Variants in DENND11 observed in about 807,000 individuals in gnomAD.
The protein encoded by DENND11 is DENN domain containing 11, also known as DENN domain-containing protein 11.
Under a neutral mutation model 49.2 loss-of-function variants are expected in DENND11, and 34 were observed. The ratio of observed to expected loss-of-function variants is 0.69; its 90% CI spans 0.53 to 0.92. DENND11 has a LOEUF of 0.92. Among genes scored for constraint, DENND11 ranks in the 40% least tolerant of loss-of-function variants. The pLI is 0.00. For missense variants in DENND11, 475 were observed against 581.6 expected, an observed-to-expected ratio of 0.82 and a Z score of 1.88; for synonymous variants, 238 against 230.3, an observed-to-expected ratio of 1.03 and a Z score of -0.30.
At chr7:141,668,355 G>A (rs1364367964) in intron 4 of DENND11, among the ~76,000 whole-genome samples, 3 of 152,274 alleles carry the variant, frequency 2.0e-5, no homozygotes, top group Admixed American at 1.3e-4. Flanking sequence ...GGGAGGCCGA[G>A]GTGGGTGGAT....
At chr7:141,676,739 GGAT>G (rs1485022591) in intron 3 of DENND11, among the ~76,000 whole-genome samples, 3 of 152,168 alleles carry the variant, frequency 2.0e-5, no homozygotes, top group African/African-American at 7.2e-5. Flanking sequence ...TCAGAGTGCT[GGAT>G]GATAAGTTAG....
chr7:141,670,837 G>A (rs564810167), intron 4 of DENND11, among the ~76,000 whole-genome samples: 2 of 152,310 alleles, frequency 1.3e-5, no homozygotes, highest in East Asian at 3.9e-4. Flanking sequence ...GTAAGTTGAG[G>A]AGTATCTGTA....
At chr7:141,664,118 T>C in intron 8 of DENND11, 54 bp downstream of exon 8, 1 of 1,382,680 alleles carries the variant, frequency 7.2e-7, no homozygotes, top group Non-Finnish European at 1.0e-6. Context: ...TGCAGGTCAC[T>C]CAGTGCCGAA....
intron 3 of DENND11, among the ~76,000 whole-genome samples, chr7:141,675,845 C>T (rs895007752): frequency 6.6e-6 from 1 of 151,852 alleles, no homozygotes; most frequent in Non-Finnish European, 1.5e-5. Context: ...TGGATGATAG[C>T]GCCAATTTCA....
At chr7:141,695,858 C>A (rs976339188) in intron 1 of DENND11, among the ~76,000 whole-genome samples, 5 of 152,222 alleles carry the variant, frequency 3.3e-5, no homozygotes, top group East Asian at 1.9e-4. Flanking sequence ...CTAGCCTCTA[C>A]TGCAAAGACA....
At chr7:141,698,285 A>G (rs992812943) in intron 1 of DENND11, among the ~76,000 whole-genome samples, 3 of 152,212 alleles carry the variant, frequency 2.0e-5, no homozygotes, top group Non-Finnish European at 4.4e-5. Flanking sequence ...GCAGACTAAG[A>G]ACATTTTACT....
chr7:141,673,250 A>C (rs533245597), intron 4 of DENND11, among the ~76,000 whole-genome samples: 134 of 152,336 alleles, frequency 8.8e-4, no homozygotes, highest in African/African-American at 3.1e-3. Context: ...GAATAAAAAA[A>C]AAAAAACAAA....
At position 141,702,104 on chromosome 7, in the gene DENND11, G is replaced by A; in HGVS notation, c.50C>T (p.Pro17Leu). The change falls in exon 1 of 9, where the codon CCC (proline) becomes CTC (leucine). Residue 17 changes from proline to leucine, a missense_variant. Physicochemically the swap from Pro to Leu is moderately conservative, Grantham distance 98. Transcript: ENST00000536163. ...AAPLLRWAEG[P>L]AVSLPQAPQP... Reference sequence around the variant, plus strand: ...CGGGGCCTGCGGCAGGGAGACGGCGGGGCCCTCGGCCCAGCGCAGCAGCGG... The same window carrying A: ...CGGGGCCTGCGGCAGGGAGACGGCGAGGCCCTCGGCCCAGCGCAGCAGCGG... 3.0e-6 allele frequency: 3 copies of A among 984,488 alleles called. No homozygotes were observed. Among genetic ancestry groups the A allele is most frequent in the Non-Finnish European group, 3.6e-6 (3 of 830,722 alleles). The allele number at this position is 984,488 out of a possible 1,614,324, so 61.0% of individuals were successfully genotyped here.
At chr7:141,685,947 C>G (rs1161353537) in intron 2 of DENND11, among the ~76,000 whole-genome samples, 1 of 152,186 alleles carries the variant, frequency 6.6e-6, no homozygotes, top group Non-Finnish European at 1.5e-5. Flanking sequence ...AACCAACATT[C>G]CTCTTCAGGC....
At chr7:141,687,735 T>C (rs1442626841) in intron 1 of DENND11, among the ~76,000 whole-genome samples, 1 of 150,270 alleles carries the variant, frequency 6.7e-6, no homozygotes, top group Non-Finnish European at 1.5e-5. Context: ...CCCAGGTTCA[T>C]GCCATTCTCC....
At position 141,657,915 on chromosome 7, in the gene DENND11, A is replaced by G. The variant is rs942646456; in HGVS notation, c.*4741T>C. ...CCACCTCTCTCAAGAAAGAGGCCTAAAAATAAGAATGATGACATTTACCCT... is the reference window on the plus strand; with the variant it reads ...CCACCTCTCTCAAGAAAGAGGCCTAGAAATAAGAATGATGACATTTACCCT... On this transcript the variant is annotated 3_prime_UTR_variant, in exon 9 of 9. Transcript: ENST00000536163. 6.6e-6 allele frequency: 1 copy of G among 152,644 alleles called. No individual in the cohort carries two copies. Among genetic ancestry groups the G allele is most frequent in the African/African-American group, 2.4e-5 (1 of 41,458 alleles). 9.5% of individuals were successfully genotyped at this position (152,644 alleles called of 1,614,324 possible). A position where few individuals can be genotyped will look rare whatever the true frequency, so the allele number is the denominator to read the frequency against.
At chr7:141,674,864 C>T (rs1029676380) in intron 3 of DENND11, among the ~76,000 whole-genome samples, 7 of 152,178 alleles carry the variant, frequency 4.6e-5, no homozygotes, top group African/African-American at 1.7e-4. Context: ...CAACCCCAGA[C>T]CCCAGAACCC....
At chr7:141,693,550 C>T (rs908470562) in intron 1 of DENND11, among the ~76,000 whole-genome samples, 1 of 152,210 alleles carries the variant, frequency 6.6e-6, no homozygotes, top group Non-Finnish European at 1.5e-5. Flanking sequence ...CAGATGTTTG[C>T]AGCAGCTTTA....
chr7:141,666,482 T>C, intron 4 of DENND11, 57 bp from the exon 5 acceptor site: 1 of 1,464,792 alleles, frequency 6.8e-7, no homozygotes, highest in South Asian at 1.5e-5. Flanking sequence ...TTCTTAGAAA[T>C]ATAGCAAAAG....
rs1798018847 is a variant in DENND11, at chr7:141,673,678, T to A, written c.681+389A>T. Among the ~76,000 whole-genome samples the A allele has an allele frequency of 2.6e-5, 4 of 152,234 alleles. No individual in the cohort carries two copies. In the South Asian group the frequency reaches 6.2e-4, roughly 24 times the overall value. On this transcript the variant is annotated intron_variant, in intron 4 of 8. Coordinates refer to ENST00000536163, the MANE Select transcript of DENND11 (RefSeq NM_001080392.2). ...TATTCTAGTACCAAAGCCAAAGTACTTCAGGAACAAATACAGAACGAAGTA... is the reference window on the plus strand; with the variant it reads ...TATTCTAGTACCAAAGCCAAAGTACATCAGGAACAAATACAGAACGAAGTA...
rs1797789234 is a variant in DENND11, at chr7:141,661,303, A to G, written c.*1353T>C. On this transcript the variant is annotated 3_prime_UTR_variant, in exon 9 of 9. Transcript: ENST00000536163. ...TCTCAACTATGGCCAAAAAGGCCTA[A>G]ACTCGACCCACAGGAACTGGCTTTC... The G allele has an allele frequency of 6.6e-6, 1 of 152,226 alleles. No individual in the cohort carries two copies. Among genetic ancestry groups the G allele is most frequent in the Admixed American group, 6.5e-5 (1 of 15,284 alleles). 9.4% of individuals were successfully genotyped at this position (152,226 alleles called of 1,614,324 possible).
intron 1 of DENND11, among the ~76,000 whole-genome samples, chr7:141,689,155 A>C (rs1004999654): frequency 2.0e-5 from 3 of 152,238 alleles, no homozygotes; most frequent in Non-Finnish European, 4.4e-5. Context: ...AAGTGCAAAG[A>C]TGTTTATTGC....
In DENND11 at chr7:141,662,687, A is replaced by G; in HGVS notation, c.1337T>C (p.Met446Thr). The change falls in exon 9 of 9, where the codon ATG becomes ACG. Residue 446 changes from methionine (M) to threonine (T), a missense_variant. Transcript: ENST00000536163. The stretch of plus-strand genomic sequence containing the variant: ...GCAACAGGGGTTGTCGATAACCAGC[A>G]TGACATCAATGCCATAGGCCTCCAG... ...DLLEAYGIDV[M>T]LVIDNPCCP 7 of 1,603,026 alleles carry G rather than the reference A, an allele frequency of 4.4e-6. No homozygotes were observed. Among genetic ancestry groups the G allele is most frequent in the Non-Finnish European group, 6.0e-6 (7 of 1,175,600 alleles).
chr7:141,679,335 A>G (rs1798113103), intron 3 of DENND11, among the ~76,000 whole-genome samples: 1 of 152,258 alleles, frequency 6.6e-6, no homozygotes, highest in Non-Finnish European at 1.5e-5. Context: ...CAATGTTAAA[A>G]GACAAATGAA....
Sources: gnomAD v4.1 joint callset for allele counts (sites outside exome capture counted in the v4.1 genomes callset) on GRCh38, gnomAD v4.1.1 for gene constraint, MANE v1.5 for transcripts, NCBI Gene and HGNC (gene_info 2026-07-23, HGNC 2026-07-21) for gene names.